C10orf67: variants seen among roughly 807,000 people sequenced by gnomAD.
C10orf67 encodes the protein uncharacterized protein C10orf67, mitochondrial.
In C10orf67, 60 loss-of-function variants were observed where a neutral mutation model predicts 35.6. The observed-to-expected ratio is 1.68, with a 90% confidence interval of 1.37 to 2.09. The LOEUF is 2.09. Among genes scored for constraint, C10orf67 ranks in the 30% most tolerant of loss-of-function variants. C10orf67 has a pLI of 0.00. For missense variants in C10orf67, 474 were observed against 330.2 expected (o/e 1.44, Z -3.38); for synonymous variants, 167 against 115.8 (o/e 1.44, Z -2.84).
rs145596274 is a variant in C10orf67 at position 23,230,350 on chromosome 10, C to A, written c.1435-6532G>T. The stretch of plus-strand genomic sequence containing the variant: ...TTGTAAATATGAAAAGCAAAACAAG[C>A]CAAAAGTTTAAAGACCATAGAGAAT... On this transcript the variant is annotated intron_variant, in intron 13 of 15. Transcript: ENST00000636213. Among the ~76,000 whole-genome samples the A allele has an allele frequency of 2.4e-3, 358 of 151,698 alleles. 3 individuals carry two copies. Among genetic ancestry groups the A allele is most frequent in the Admixed American group, 0.016 (238 of 15,232 alleles).
intron 8 of C10orf67, among the ~76,000 whole-genome samples, chr10:23,280,316 T>C (rs929082896): frequency 6.6e-6 from 1 of 152,238 alleles, no homozygotes; most frequent in Non-Finnish European, 1.5e-5. Flanking sequence ...AAAACGACTG[T>C]GGTCAACTCC....
intron 7 of C10orf67, among the ~76,000 whole-genome samples, chr10:23,285,560 T>C (rs1843504581): frequency 6.6e-6 from 1 of 151,886 alleles, no homozygotes; most frequent in South Asian, 2.1e-4. Flanking sequence ...GTGTAATCAA[T>C]ATAAAAAATT....
chr10:23,264,204 T>C (rs995109861), intron 10 of C10orf67, among the ~76,000 whole-genome samples: 5 of 152,146 alleles, frequency 3.3e-5, no homozygotes, highest in Non-Finnish European at 7.3e-5. Context: ...AATGTGTATA[T>C]ATACGGTAAA....
rs917023100 is a variant in C10orf67, at chr10:23,223,589, G to A, written c.1570+9C>T. On this transcript the variant is annotated intron_variant, in intron 15 of 15. Coordinates refer to ENST00000636213, the MANE Select transcript of C10orf67 (RefSeq NM_001371909.1). Reference sequence around the variant, plus strand: ...TGTGAACCTCATTTCCAACAATAATGATTCTTACCTTTTGGTGAAAGTTGA... The same window carrying A: ...TGTGAACCTCATTTCCAACAATAATAATTCTTACCTTTTGGTGAAAGTTGA... 1.1e-5 allele frequency: 8 copies of A among 717,120 alleles called. No individual in the cohort carries two copies. Among genetic ancestry groups the A allele is most frequent in the Non-Finnish European group, 2.1e-5 (8 of 384,888 alleles). The allele number at this position is 717,120 out of a possible 1,614,324, so 44.4% of individuals were successfully genotyped here. A position where few individuals can be genotyped will look rare whatever the true frequency, so the allele number is the denominator to read the frequency against.
At chr10:23,242,248 C>T (rs1387263583) in intron 12 of C10orf67, among the ~76,000 whole-genome samples, 1 of 152,056 alleles carries the variant, frequency 6.6e-6, no homozygotes, top group African/African-American at 2.4e-5. Context: ...GGATTACAAG[C>T]GTGAGCCACC....
intron 13 of C10orf67, among the ~76,000 whole-genome samples, chr10:23,230,883 G>C (rs1841888725): frequency 6.6e-6 from 1 of 152,170 alleles, no homozygotes; most frequent in South Asian, 2.1e-4. Context: ...CTGGTTAGAG[G>C]GTCAGAGTAA....
chr10:23,267,633 C>T (rs533355249), intron 8 of C10orf67, among the ~76,000 whole-genome samples: 1 of 152,206 alleles, frequency 6.6e-6, no homozygotes, highest in Admixed American at 6.5e-5. Flanking sequence ...GAAGGCCGGG[C>T]ACGGTGGCTC....
At chr10:23,301,840 C>T (rs1844087347) in intron 5 of C10orf67, among the ~76,000 whole-genome samples, 1 of 152,210 alleles carries the variant, frequency 6.6e-6, no homozygotes, top group Non-Finnish European at 1.5e-5. Flanking sequence ...CCGTGGAACC[C>T]AGTAACTAGC....
chr10:23,332,889 A>G (rs537370581), intron 2 of C10orf67, among the ~76,000 whole-genome samples, 173 bp downstream of exon 2: 9 of 152,370 alleles, frequency 5.9e-5, no homozygotes, highest in African/African-American at 2.2e-4. Flanking sequence ...TGACATAAAT[A>G]TAAGTAGTAG....
chr10:23,283,237 C>T (rs978800569), intron 7 of C10orf67, among the ~76,000 whole-genome samples: 5 of 152,138 alleles, frequency 3.3e-5, no homozygotes, highest in African/African-American at 1.2e-4. Context: ...AACAAAAACC[C>T]CATTCACTGC....
Position 23,231,726 on chromosome 10 carries a change from T to C in C10orf67, c.1435-7908A>G, listed in dbSNP as rs138032120. On this transcript the variant is annotated intron_variant, in intron 13 of 15. Coordinates refer to ENST00000636213, the MANE Select transcript of C10orf67 (RefSeq NM_001371909.1). ...AGAATGCTGAGAGCAATAATACTCA[T>C]AATAGTAAAAAGTGAGAACCAACCT... Among the ~76,000 whole-genome samples the C allele has an allele frequency of 1.6e-3, 250 of 152,302 alleles. 1 individual carries two copies. Among genetic ancestry groups the C allele is most frequent in the African/African-American group, 5.4e-3 (224 of 41,566 alleles).
chr10:23,245,707 G>T (rs939689652), intron 12 of C10orf67, among the ~76,000 whole-genome samples: 1 of 152,282 alleles, frequency 6.6e-6, no homozygotes, highest in Middle Eastern at 3.4e-3. Context: ...AAGATAACAA[G>T]TGCTGGTGAG....
intron 1 of C10orf67, 25 bp from the exon 2 acceptor site, chr10:23,333,207 G>A: frequency 6.4e-7 from 1 of 1,565,762 alleles, no homozygotes; most frequent in Non-Finnish European, 8.7e-7. Context: ...AATGAAATGT[G>A]CTTTAAGTCA....
intron 12 of C10orf67, among the ~76,000 whole-genome samples, chr10:23,244,510 C>CA (rs1842265424): frequency 6.6e-6 from 1 of 152,004 alleles, no homozygotes; most frequent in Non-Finnish European, 1.5e-5. Flanking sequence ...AGTAAAGTTA[C>CA]AGGATACAAA....
At chr10:23,215,394 A>G (rs186021642) in intron 15 of C10orf67, among the ~76,000 whole-genome samples, 35 of 151,872 alleles carry the variant, frequency 2.3e-4, no homozygotes, top group Non-Finnish European at 1.5e-5. Context: ...CCCATGTTCA[A>G]GAGATTCTCC....
At chr10:23,335,081 G>A (rs538279799) in intron 1 of C10orf67, among the ~76,000 whole-genome samples, 1 of 152,000 alleles carries the variant, frequency 6.6e-6, no homozygotes, top group Non-Finnish European at 1.5e-5. Flanking sequence ...CCAGCTACTC[G>A]GGAGGCTGAG....
At chr10:23,280,769 G>T (rs900479823) in intron 8 of C10orf67, among the ~76,000 whole-genome samples, 3 of 152,170 alleles carry the variant, frequency 2.0e-5, no homozygotes, top group African/African-American at 7.2e-5. Flanking sequence ...AAGAGGCAAA[G>T]TAATTCAAAG....
At chr10:23,253,083 GC>G (rs765052851) in intron 10 of C10orf67, among the ~76,000 whole-genome samples, 3 of 151,574 alleles carry the variant, frequency 2.0e-5, no homozygotes, top group Non-Finnish European at 4.4e-5. Context: ...CTTGCCTTCT[GC>G]CATGATTGTG....
chr10:23,257,084 C>T (rs900860083), intron 10 of C10orf67, among the ~76,000 whole-genome samples: 28 of 152,098 alleles, frequency 1.8e-4, no homozygotes, highest in South Asian at 2.1e-4. Flanking sequence ...CAGGTTGCTC[C>T]CCTGGGAGAA....
Sources: gnomAD v4.1 joint callset for allele counts (sites outside exome capture counted in the v4.1 genomes callset) on GRCh38, gnomAD v4.1.1 for gene constraint, MANE v1.5 for transcripts, NCBI Gene and HGNC (gene_info 2026-07-23, HGNC 2026-07-21) for gene names.